The following KCNH8 variants were observed in gnomAD, a reference collection of about 807,000 sequenced individuals.
KCNH8 encodes voltage-gated delayed rectifier potassium channel KCNH8.
KCNH8 carries 70 observed loss-of-function variants against 103.6 expected under a neutral mutation model. The ratio of observed to expected loss-of-function variants is 0.68; its 90% CI spans 0.56 to 0.82. The LOEUF (loss-of-function observed/expected upper bound fraction) is 0.82. Among genes scored for constraint, KCNH8 ranks in the 40% least tolerant of loss-of-function variants. The probability of loss-of-function intolerance (pLI) is 0.00; values close to 1 mark genes in which losing one functional copy is unlikely to be tolerated. For missense variants in KCNH8, 1,217 were observed against 1,329.9 expected, an observed-to-expected ratio of 0.92 and a Z score of 1.32; for synonymous variants, 498 against 489.4, an observed-to-expected ratio of 1.02 and a Z score of -0.23.
intron 2 of KCNH8, among the ~76,000 whole-genome samples, chr3:19,278,919 A>T (rs776013597): frequency 2.7e-4 from 41 of 152,134 alleles, no homozygotes; most frequent in Admixed American, 1.3e-4. Flanking sequence ...TTTCCAAAAT[A>T]TATTGGTGCA....
chr3:19,262,557 A>G (rs975941856), intron 2 of KCNH8, among the ~76,000 whole-genome samples: 20 of 152,056 alleles, frequency 1.3e-4, no homozygotes, highest in Admixed American at 5.3e-4. Flanking sequence ...GCTGTTAGGT[A>G]ATGGGCTCAT....
chr3:19,256,536 C>A, intron 2 of KCNH8, among the ~76,000 whole-genome samples: 1 of 152,088 alleles, frequency 6.6e-6, no homozygotes, highest in East Asian at 1.9e-4. Flanking sequence ...AAAGGATTTC[C>A]TTTGTCTGAA....
At chr3:19,361,605 C>A (rs1034461481) in intron 5 of KCNH8, among the ~76,000 whole-genome samples, 2 of 152,100 alleles carry the variant, frequency 1.3e-5, no homozygotes, top group African/African-American at 4.8e-5. Context: ...ATCGGCATTA[C>A]TATTATTTGG....
chr3:19,399,877 G>A (rs1230426812), intron 7 of KCNH8, among the ~76,000 whole-genome samples: 1 of 151,812 alleles, frequency 6.6e-6, no homozygotes, highest in Non-Finnish European at 1.5e-5. Flanking sequence ...AGGATGTGTA[G>A]ACTCAGAATT....
chr3:19,148,697 G>T lies in KCNH8; in HGVS notation c.-23G>T. ...ATCCTTCTGGACAAACTTTGATGGA[G>T]AATTTCACACCACGCTGGAAAAATG... On this transcript the variant is annotated 5_prime_UTR_variant, in exon 1 of 16. Coordinates refer to ENST00000328405, the MANE Select transcript of KCNH8 (RefSeq NM_144633.3). 6.2e-7 allele frequency: 1 copy of T among 1,612,112 alleles called. No homozygotes were observed.
intron 2 of KCNH8, among the ~76,000 whole-genome samples, chr3:19,272,506 G>A (rs2064603341): frequency 6.6e-6 from 1 of 151,932 alleles, no homozygotes; most frequent in African/African-American, 2.4e-5. Flanking sequence ...TGCTAAGACA[G>A]GTCTGTTCCT....
In KCNH8 at chr3:19,243,762, T is replaced by G. The variant is rs560755023; in HGVS notation, c.77-9892T>G. Reference sequence around the variant, plus strand: ...TGAATTAACCATTTTTTTCCTCAAATCTTCATGTATGCTTGAAGTAAAAAG... The same window carrying G: ...TGAATTAACCATTTTTTTCCTCAAAGCTTCATGTATGCTTGAAGTAAAAAG... On this transcript the variant is annotated intron_variant, in intron 1 of 15. Coordinates refer to ENST00000328405, the MANE Select transcript of KCNH8 (RefSeq NM_144633.3). Among the ~76,000 whole-genome samples, 8 of 152,280 alleles carry G rather than the reference T, an allele frequency of 5.3e-5. No individual in the cohort carries two copies. In the South Asian group the frequency reaches 8.3e-4, roughly 16 times the overall value.
chr3:19,380,819 C>T (rs978706339), intron 5 of KCNH8, among the ~76,000 whole-genome samples: 1 of 152,158 alleles, frequency 6.6e-6, no homozygotes, highest in Non-Finnish European at 1.5e-5. Flanking sequence ...TGTGATTTTA[C>T]TGTTCACAAT....
At chr3:19,281,427 CA>C in intron 3 of KCNH8, 98 bp downstream of exon 3, 1 of 1,090,800 alleles carries the variant, frequency 9.2e-7, no homozygotes, top group Admixed American at 2.6e-5. Context: ...TTAATAACAG[CA>C]ACTGATAAAT....
intron 15 of KCNH8, among the ~76,000 whole-genome samples, chr3:19,529,788 C>A (rs193132763): frequency 6.6e-6 from 1 of 152,120 alleles, no homozygotes; most frequent in African/African-American, 2.4e-5. Context: ...ACAATTAATT[C>A]CCTCATGCAA....
intron 1 of KCNH8, among the ~76,000 whole-genome samples, chr3:19,159,853 C>T (rs997116976): frequency 2.0e-5 from 3 of 151,878 alleles, no homozygotes; most frequent in Non-Finnish European, 4.4e-5. Context: ...CTGTGAGAGC[C>T]TGAGGTTACC....
At chr3:19,295,463 C>A (rs1192531116) in intron 3 of KCNH8, among the ~76,000 whole-genome samples, 3 of 152,006 alleles carry the variant, frequency 2.0e-5, no homozygotes, top group Non-Finnish European at 4.4e-5. Context: ...AGCCATATAA[C>A]TTGACCGCCT....
At chr3:19,475,221 G>C (rs1363222422) in intron 11 of KCNH8, among the ~76,000 whole-genome samples, 1 of 152,152 alleles carries the variant, frequency 6.6e-6, no homozygotes, top group African/African-American at 2.4e-5. Flanking sequence ...AGTCTTAAGG[G>C]AGAGAAAAGC....
At chr3:19,171,060 A>G (rs1464918826) in intron 1 of KCNH8, among the ~76,000 whole-genome samples, 2 of 151,892 alleles carry the variant, frequency 1.3e-5, no homozygotes, top group Non-Finnish European at 2.9e-5. Context: ...TCGGCCTCCA[A>G]AAGTGCTGGG....
intron 5 of KCNH8, among the ~76,000 whole-genome samples, chr3:19,349,352 TCTC>T (rs1184309570): frequency 6.6e-6 from 1 of 151,896 alleles, no homozygotes; most frequent in Non-Finnish European, 1.5e-5. Flanking sequence ...ACATTTGAAG[TCTC>T]CTCCCACCCA....
chr3:19,345,747 T>C (rs1695506458), intron 4 of KCNH8, among the ~76,000 whole-genome samples: 1 of 152,078 alleles, frequency 6.6e-6, no homozygotes, highest in African/African-American at 2.4e-5. Flanking sequence ...TATGTAAAGA[T>C]GTTTGCAGGA....
chr3:19,321,806 C>T (rs910878092), intron 3 of KCNH8, among the ~76,000 whole-genome samples: 1 of 151,750 alleles, frequency 6.6e-6, no homozygotes, highest in Non-Finnish European at 1.5e-5. Flanking sequence ...TATTGTGTTG[C>T]TGTCTATGTC....
At chr3:19,333,293 T>A (rs558728804) in intron 3 of KCNH8, among the ~76,000 whole-genome samples, 2 of 152,228 alleles carry the variant, frequency 1.3e-5, no homozygotes, top group Non-Finnish European at 2.9e-5. Flanking sequence ...TTTCCCAGTA[T>A]GTAATTTGTA....
intron 11 of KCNH8, among the ~76,000 whole-genome samples, chr3:19,508,054 T>G (rs2068726283): frequency 6.6e-6 from 1 of 152,228 alleles, no homozygotes; most frequent in Non-Finnish European, 1.5e-5. Context: ...TTTTTTGAAT[T>G]TTGTATGTCA....
Sources: gnomAD v4.1 joint callset for allele counts (sites outside exome capture counted in the v4.1 genomes callset) on GRCh38, gnomAD v4.1.1 for gene constraint, MANE v1.5 for transcripts, NCBI Gene and HGNC (gene_info 2026-07-23, HGNC 2026-07-21) for gene names.